The following PCDH15 variants were observed in gnomAD, a reference collection of about 807,000 sequenced individuals.
PCDH15 encodes protocadherin related 15.
PCDH15 carries 129 observed loss-of-function variants against 178.5 expected under a neutral mutation model. The observed-to-expected ratio is 0.72, with a 90% CI of 0.63 to 0.84. The LOEUF is 0.84. PCDH15 is among the 40% of genes least tolerant of loss of function. The probability of loss-of-function intolerance (pLI) is 0.00; values close to 1 mark genes in which losing one functional copy is unlikely to be tolerated. For synonymous variants in PCDH15, 800 were observed against 732.0 expected, an observed-to-expected ratio of 1.09 and a Z score of -1.50; for missense variants, 2,230 against 2,099.9, an observed-to-expected ratio of 1.06 and a Z score of -1.21.
intron 3 of PCDH15, among the ~76,000 whole-genome samples, chr10:54,392,935 T>A (rs1950740784): frequency 6.7e-6 from 1 of 150,198 alleles, no homozygotes; most frequent in Non-Finnish European, 1.5e-5. Context: ...TGCTGCAACA[T>A]GAGAAAGCTG....
intron 3 of PCDH15, among the ~76,000 whole-genome samples, chr10:54,380,453 T>G (rs1484749671): frequency 6.6e-6 from 1 of 151,342 alleles, no homozygotes; most frequent in Non-Finnish European, 1.5e-5. Context: ...TTACAAATAC[T>G]TCACACAACT....
chr10:54,999,337 A>G (rs1839736386), intron 2 of PCDH15, among the ~76,000 whole-genome samples: 1 of 152,130 alleles, frequency 6.6e-6, no homozygotes, highest in Non-Finnish European at 1.5e-5. Context: ...CAGGGATAGT[A>G]CATTATTTAT....
At chr10:54,622,574 TATATATATA>T (rs1176645091) in intron 2 of PCDH15, among the ~76,000 whole-genome samples, 5 of 77,168 alleles carry the variant, frequency 6.5e-5, no homozygotes, top group East Asian at 3.0e-4. Context: ...TGTGTGTATA[TATATATATA>T]ATATATATAA....
intron 2 of PCDH15, among the ~76,000 whole-genome samples, chr10:54,651,693 C>T (rs2135203480): frequency 6.6e-6 from 1 of 152,282 alleles, no homozygotes; most frequent in South Asian, 2.1e-4. Context: ...TACATATCTT[C>T]TTAAGTTGTT....
intron 3 of PCDH15, among the ~76,000 whole-genome samples, chr10:54,382,718 A>G (rs1407544392): frequency 6.6e-6 from 1 of 152,074 alleles, no homozygotes; most frequent in Non-Finnish European, 1.5e-5. Context: ...TTCCCTAACC[A>G]TGTTTCAGAT....
intron 2 of PCDH15, chr10:54,600,319 A>G (rs1056813134): frequency 1.8e-6 from 1 of 541,422 alleles, no homozygotes; most frequent in Non-Finnish European, 3.6e-6. Context: ...CAAGGAATCC[A>G]GGAAGAAAGA....
chr10:53,858,532 GA>G (rs2078903082), intron 27 of PCDH15, among the ~76,000 whole-genome samples: 1 of 152,028 alleles, frequency 6.6e-6, no homozygotes. Flanking sequence ...AGTTTTTCAG[GA>G]AAAAAAGAAA....
intron 3 of PCDH15, among the ~76,000 whole-genome samples, chr10:54,860,270 T>C (rs1014624787): frequency 3.3e-5 from 5 of 152,096 alleles, no homozygotes; most frequent in Admixed American, 1.3e-4. Flanking sequence ...TAATACACAG[T>C]AGGTAGTTTT....
chr10:54,725,626 CATT>C (rs1942386633), intron 1 of PCDH15, among the ~76,000 whole-genome samples: 1 of 140,998 alleles, frequency 7.1e-6, no homozygotes, highest in African/African-American at 2.5e-5. Context: ...ACTGCAACCT[CATT>C]ATTCATAAAG....
intron 2 of PCDH15, among the ~76,000 whole-genome samples, chr10:54,961,541 A>G (rs1838655112): frequency 6.6e-6 from 1 of 152,184 alleles, no homozygotes; most frequent in African/African-American, 2.4e-5. Context: ...AGGCCCACCC[A>G]TGGCTGCCCA....
chr10:54,106,802 T>C (rs997833861), intron 15 of PCDH15, among the ~76,000 whole-genome samples: 1 of 152,160 alleles, frequency 6.6e-6, no homozygotes, highest in Non-Finnish European at 1.5e-5. Context: ...ACAGAAGAAA[T>C]TGAAATTGAT....
At chr10:55,434,277 C>T (rs972071811) in intron 2 of PCDH15, among the ~76,000 whole-genome samples, 2 of 151,506 alleles carry the variant, frequency 1.3e-5, no homozygotes, top group African/African-American at 4.8e-5. Flanking sequence ...TCACTGGTCT[C>T]GATCTCCTGA....
At chr10:54,343,772 G>GTT (rs2134120188) in intron 6 of PCDH15, among the ~76,000 whole-genome samples, 2 of 151,428 alleles carry the variant, frequency 1.3e-5, no homozygotes, top group Admixed American at 1.3e-4. Context: ...TTGTGCACAT[G>GTT]TACCCTAGAA....
intron 2 of PCDH15, among the ~76,000 whole-genome samples, chr10:55,055,871 A>G (rs1415745003): frequency 6.6e-6 from 1 of 152,168 alleles, no homozygotes; most frequent in Non-Finnish European, 1.5e-5. Context: ...AATAAAATAT[A>G]GACTGGCAAA....
intron 2 of PCDH15, among the ~76,000 whole-genome samples, chr10:55,117,667 G>C (rs1341584709): frequency 6.6e-6 from 1 of 152,124 alleles, no homozygotes; most frequent in African/African-American, 2.4e-5. Flanking sequence ...CACCAGAAAA[G>C]ACATCCAGGG....
chr10:54,272,588 G>A (rs1340281814), intron 8 of PCDH15, among the ~76,000 whole-genome samples: 1 of 152,006 alleles, frequency 6.6e-6, no homozygotes, highest in Non-Finnish European at 1.5e-5. Context: ...TACAGATAGT[G>A]GAATACAACA....
chr10:53,871,296 G>A (rs1335797861), intron 26 of PCDH15, among the ~76,000 whole-genome samples: 1 of 152,028 alleles, frequency 6.6e-6, no homozygotes, highest in African/African-American at 2.4e-5. Flanking sequence ...AGCCAAGATC[G>A]CGCCACAGCA....
chr10:55,419,210 G>T (rs1838558719), intron 2 of PCDH15, among the ~76,000 whole-genome samples: 1 of 151,724 alleles, frequency 6.6e-6, no homozygotes, highest in South Asian at 2.1e-4. Context: ...CAGTTTGACG[G>T]AGCTGAAGTA....
At chr10:55,417,319 C>T (rs533314268) in intron 2 of PCDH15, among the ~76,000 whole-genome samples, 1 of 151,588 alleles carries the variant, frequency 6.6e-6, no homozygotes, top group African/African-American at 2.4e-5. Flanking sequence ...ACATTATAAG[C>T]AAAGAATAAC....
Sources: allele counts gnomAD v4.1 joint callset (sites outside exome capture counted in the v4.1 genomes callset), GRCh38; gene constraint gnomAD v4.1.1; transcripts MANE v1.5; gene names NCBI Gene and HGNC (gene_info 2026-07-23, HGNC 2026-07-21).